Variants in MCAT observed in about 807,000 individuals in gnomAD.
MCAT encodes malonyl-CoA-acyl carrier protein transacylase.
Under a neutral mutation model 22.9 loss-of-function variants are expected in MCAT, and 22 were observed. That is an observed-to-expected ratio of 0.96 (90% CI 0.69 to 1.37). The LOEUF (loss-of-function observed/expected upper bound fraction) is 1.37, where lower values mean the gene tolerates loss of function less well. Among genes scored for constraint, MCAT ranks in the 40% most tolerant of loss-of-function variants. The pLI, the probability that MCAT is intolerant of heterozygous loss-of-function variation, is 0.00. For missense variants in MCAT, 534 were observed against 533.6 expected (o/e 1.00, Z -0.01); for synonymous variants, 240 against 233.9 (o/e 1.03, Z -0.24).
At chr22:43,139,361 AC>A (rs1930706324) in intron 2 of MCAT, among the ~76,000 whole-genome samples, 1 of 152,064 alleles carries the variant, frequency 6.6e-6, no homozygotes, top group Admixed American at 6.6e-5. Context: ...CCCCATCTCT[AC>A]AAAAACTTCT....
chr22:43,143,329 C>A lies in MCAT; in HGVS notation c.20G>T (p.Arg7Leu). Residue 7 changes from arginine to leucine, a missense_variant, in exon 1 of 4, where the codon CGG (arginine) becomes CTG (leucine). Arg to Leu is a moderately radical substitution (Grantham distance 102). Transcript: ENST00000290429. MSVRVA[R>L]VAWVRGLGAS... ...GCCCAAGCCCCTGACCCACGCTACCCGTGCGACCCGGACGCTCATGGTCGG... is the reference window on the plus strand; with the variant it reads ...GCCCAAGCCCCTGACCCACGCTACCAGTGCGACCCGGACGCTCATGGTCGG... 1 of 1,392,416 alleles carries A rather than the reference C, an allele frequency of 7.2e-7. No individual in the cohort carries two copies. Among genetic ancestry groups the A allele is most frequent in the Non-Finnish European group, 9.2e-7 (1 of 1,083,832 alleles). 86.3% of individuals were successfully genotyped at this position (1,392,416 alleles called of 1,614,324 possible). A position where few individuals can be genotyped will look rare whatever the true frequency, so the allele number is the denominator to read the frequency against.
chr22:43,141,385 A>G, intron 1 of MCAT, 136 bp from the exon 2 acceptor site: 1 of 701,614 alleles, frequency 1.4e-6, no homozygotes, highest in Non-Finnish European at 2.5e-6. Flanking sequence ...CAGCTGGAAG[A>G]GGACACACAA....
rs777624705 is a variant in MCAT at position 43,142,917 on chromosome 22, G to A, written c.423+9C>T. 3.0e-5 allele frequency: 46 copies of A among 1,530,430 alleles called. No individual in the cohort carries two copies. In the Admixed American group the frequency reaches 8.5e-4, roughly 28 times the overall value. The allele number at this position is 1,530,430 out of a possible 1,614,324, so 94.8% of individuals were successfully genotyped here. A position where few individuals can be genotyped will look rare whatever the true frequency, so the allele number is the denominator to read the frequency against. On this transcript the variant is annotated intron_variant, in intron 1 of 3. Transcript: ENST00000290429. ...CTTCCCCCTCCTGTCACGGGGCCTC[G>A]GGCCTCACCGAGGGCTGCAGGTGAT... is the stretch of plus-strand genomic sequence containing the variant.
Position 43,137,256 on chromosome 22 carries a change from G to A in MCAT, c.554C>T (p.Ala185Val). 1.2e-6 allele frequency: 2 copies of A among 1,614,184 alleles called. No homozygotes were observed. Among genetic ancestry groups the A allele is most frequent in the Non-Finnish European group, 8.5e-7 (1 of 1,180,040 alleles). The change falls in exon 3 of 4, where the codon GCT becomes GTT. Residue 185 changes from alanine to valine, a missense_variant. Physicochemically the swap from Ala to Val is moderately conservative, Grantham distance 64 (BLOSUM62 0). Transcript: ENST00000290429. ...VKIRAEAMQEASEAVPSGMLS... is the reference protein window; with the variant it reads ...VKIRAEAMQEVSEAVPSGMLS... ...CATCCCACTGGGGACAGCTTCTGAA[G>A]CTTCCTGCATGGCCTCAGCTCGGAT...
intron 3 of MCAT, among the ~76,000 whole-genome samples, chr22:43,135,710 C>G (rs1930589228): frequency 6.6e-6 from 1 of 152,088 alleles, no homozygotes; most frequent in Admixed American, 6.6e-5. Flanking sequence ...CATACCTGAC[C>G]TGCCCACCAT....
Position 43,132,980 on chromosome 22 carries a change from G to T in MCAT, c.*63C>A. ...GCCATTAGGAAGGTAGGGGGCGACAGGCACAGCCTACAGCCTCTCCTCAGG... is the reference window on the plus strand; with the variant it reads ...GCCATTAGGAAGGTAGGGGGCGACATGCACAGCCTACAGCCTCTCCTCAGG... On this transcript the variant is annotated 3_prime_UTR_variant, in exon 4 of 4. Coordinates refer to ENST00000290429, the MANE Select transcript of MCAT (RefSeq NM_173467.5). The T allele has an allele frequency of 6.7e-7, 1 of 1,501,028 alleles. No homozygotes were observed. Among genetic ancestry groups the T allele is most frequent in the Non-Finnish European group, 9.1e-7 (1 of 1,100,484 alleles). The allele number at this position is 1,501,028 out of a possible 1,614,324, so 93.0% of individuals were successfully genotyped here.
intron 3 of MCAT, among the ~76,000 whole-genome samples, chr22:43,135,577 T>C (rs1930585329): frequency 6.6e-6 from 1 of 150,444 alleles, no homozygotes; most frequent in Admixed American, 6.6e-5. Context: ...GGTGCACCTG[T>C]CTGGGAGCCT....
At chr22:43,136,071 C>T (rs1348225258) in intron 3 of MCAT, among the ~76,000 whole-genome samples, 1 of 152,020 alleles carries the variant, frequency 6.6e-6, no homozygotes, top group Non-Finnish European at 1.5e-5. Context: ...GGTGAAACCC[C>T]GTCTCTACAA....
intron 1 of MCAT, among the ~76,000 whole-genome samples, chr22:43,142,067 T>A (rs993071687): frequency 4.6e-5 from 7 of 152,236 alleles, no homozygotes; most frequent in African/African-American, 1.4e-4. Context: ...TATCCCTGAG[T>A]CTGCATTCCT....
chr22:43,137,279 G>C lies in MCAT; in HGVS notation c.531C>G (p.Ile177Met). The change falls in exon 3 of 4, where the codon ATC becomes ATG. Residue 177 changes from isoleucine to methionine, a missense_variant. By Grantham distance (10) the Ile-to-Met change is conservative. Coordinates refer to ENST00000290429, the MANE Select transcript of MCAT (RefSeq NM_173467.5). ...AAGCTTCCTGCATGGCCTCAGCTCG[G>C]ATTTTCACTGCATACAAACCTGGCC... The part of the protein sequence containing the change: ...EFAEGLYAVK[I>M]RAEAMQEASE... The C allele has an allele frequency of 6.2e-7, 1 of 1,614,008 alleles. No individual in the cohort carries two copies. The highest frequency in any genetic ancestry group is 8.5e-7 in the Non-Finnish European group (1 of 1,179,982).
chr22:43,143,156 G>A lies in MCAT; in HGVS notation c.193C>T (p.Leu65=), dbSNP rs1601746746. The A allele has an allele frequency of 6.3e-7, 1 of 1,580,398 alleles. No homozygotes were observed. Among genetic ancestry groups the A allele is most frequent in the East Asian group, 2.3e-5 (1 of 43,474 alleles). The change falls in exon 1 of 4, where the codon CTG becomes TTG. Residue 65 remains leucine, a synonymous_variant. Transcript: ENST00000290429. ...ERRMPGQCSV[L]LFPGQGSQVV... ...TGGCTGCCCTGGCCCGGGAAGAGCA[G>A]CACGGAGCACTGGCCCGGCATTCGC...
intron 2 of MCAT, among the ~76,000 whole-genome samples, chr22:43,140,407 G>A (rs1177883462): frequency 1.3e-5 from 2 of 152,118 alleles, no homozygotes; most frequent in Admixed American, 6.6e-5. Context: ...GCAGTGGCAC[G>A]ATCACAGCTC....
rs190439259 is a variant in MCAT at position 43,134,663 on chromosome 22, C to A, written c.730-1177G>T. Reference sequence around the variant, plus strand: ...GGCTGAAAAGCAGAACCCAGCCTGGCGAGCACAGACCAGGAGTGGGACCGG... The same window carrying A: ...GGCTGAAAAGCAGAACCCAGCCTGGAGAGCACAGACCAGGAGTGGGACCGG... On this transcript the variant is annotated intron_variant, in intron 3 of 3. Coordinates refer to ENST00000290429, the MANE Select transcript of MCAT (RefSeq NM_173467.5). Among the ~76,000 whole-genome samples the A allele has an allele frequency of 2.0e-5, 3 of 152,290 alleles. No individual in the cohort carries two copies. The South Asian group carries it at 6.2e-4, about 32-fold the overall frequency.
At chr22:43,137,637 G>C (rs1404645269) in intron 2 of MCAT, among the ~76,000 whole-genome samples, 1 of 152,168 alleles carries the variant, frequency 6.6e-6, no homozygotes, top group Non-Finnish European at 1.5e-5. Context: ...CTGACGTCTA[G>C]TGGGTAGAGT....
chr22:43,133,746 G>C (rs1930524237), intron 3 of MCAT, among the ~76,000 whole-genome samples: 1 of 152,040 alleles, frequency 6.6e-6, no homozygotes, highest in African/African-American at 2.4e-5. Flanking sequence ...TACAAGGCAT[G>C]CAACAGTGTC....
At chr22:43,136,410 C>T (rs1462937475) in intron 3 of MCAT, among the ~76,000 whole-genome samples, 1 of 152,248 alleles carries the variant, frequency 6.6e-6, no homozygotes, top group African/African-American at 2.4e-5. Context: ...ACCCACTGCT[C>T]TTTCTGTAGG....
At position 43,143,172 on chromosome 22, in the gene MCAT, C is replaced by T. The variant is rs1445663882; in HGVS notation, c.177G>A (p.Pro59=). Residue 59 remains proline (P), a synonymous_variant, in exon 1 of 4, where the codon CCG becomes CCA. Coordinates refer to ENST00000290429, the MANE Select transcript of MCAT (RefSeq NM_173467.5). ...GGAAGAGCAGCACGGAGCACTGGCC[C>T]GGCATTCGCCGCTCCGTCGCCGCCC... ...APWAATERRM[P]GQCSVLLFPG... The T allele has an allele frequency of 1.3e-6, 2 of 1,557,382 alleles. No homozygotes were observed. The highest frequency in any genetic ancestry group is 1.4e-5 in the African/African-American group (1 of 71,946).
chr22:43,137,440 T>A, intron 2 of MCAT, 142 bp from the exon 3 acceptor site: 1 of 644,868 alleles, frequency 1.6e-6, no homozygotes. Context: ...GGGCCACAGT[T>A]CCACACACCT....
chr22:43,142,864 C>A, intron 1 of MCAT, 62 bp downstream of exon 1: 1 of 1,402,384 alleles, frequency 7.1e-7, no homozygotes, highest in Non-Finnish European at 9.3e-7. Flanking sequence ...AAGCCTCTGG[C>A]AGGGCCAAGA....
Sources: allele counts gnomAD v4.1 joint callset (sites outside exome capture counted in the v4.1 genomes callset), GRCh38; gene constraint gnomAD v4.1.1; transcripts MANE v1.5; gene names NCBI Gene and HGNC (gene_info 2026-07-23, HGNC 2026-07-21).